Variants in LCORL observed in about 807,000 individuals in gnomAD.
LCORL encodes the protein ligand-dependent nuclear receptor corepressor-like protein.
A neutral mutation model predicts 141.8 loss-of-function variants in LCORL; 41 were observed. The observed-to-expected ratio is 0.29, with a 90% CI of 0.23 to 0.38. The LOEUF (loss-of-function observed/expected upper bound fraction) is 0.38. LCORL is among the 10% of genes least tolerant of loss of function. The pLI is 1.00. For synonymous variants in LCORL, 618 were observed against 694.1 expected (o/e 0.89, Z 1.72); for missense variants, 1,759 against 2,035.0 (o/e 0.86, Z 2.61).
intron 1 of LCORL, among the ~76,000 whole-genome samples, chr4:18,001,314 G>A (rs1016700287): frequency 2.6e-5 from 4 of 152,166 alleles, no homozygotes; most frequent in Non-Finnish European, 5.9e-5. Context: ...AATAAAAGCT[G>A]CTATTATTAC....
chr4:17,883,523 GA>G, intron 6 of LCORL: 4 of 1,323,820 alleles, frequency 3.0e-6, no homozygotes, highest in Non-Finnish European at 3.8e-6. Context: ...TGTCCACAGT[GA>G]AAACCCTGAA....
chr4:17,873,882 T>C, exon 7 of LCORL: 1 of 1,234,040 alleles, frequency 8.1e-7, no homozygotes, highest in Non-Finnish European at 1.0e-6. Context: ...TTGAAAGTCT[T>C]TTTGGCTGCA....
chr4:17,931,907 T>C (rs777450019), intron 4 of LCORL, among the ~76,000 whole-genome samples: 25 of 152,164 alleles, frequency 1.6e-4, no homozygotes, highest in Admixed American at 3.3e-4. Flanking sequence ...GTTAATTCTG[T>C]GTATTTGTCC....
intron 1 of LCORL, among the ~76,000 whole-genome samples, chr4:18,009,104 T>C (rs1057166698): frequency 1.3e-5 from 2 of 152,130 alleles, no homozygotes; most frequent in Non-Finnish European, 1.5e-5. Context: ...GTATAGGGCA[T>C]GTGTATGTAT....
intron 4 of LCORL, among the ~76,000 whole-genome samples, chr4:17,942,023 C>A (rs1738062887): frequency 6.6e-6 from 1 of 151,982 alleles, no homozygotes; most frequent in South Asian, 2.1e-4. Context: ...GTTAGGGGTG[C>A]CACAAATATC....
chr4:18,013,462 T>A (rs996151834), intron 1 of LCORL, among the ~76,000 whole-genome samples: 1 of 152,234 alleles, frequency 6.6e-6, no homozygotes, highest in African/African-American at 2.4e-5. Context: ...ATAAATATTA[T>A]AGCATCTTTC....
At chr4:17,956,202 A>C (rs557495746) in intron 4 of LCORL, among the ~76,000 whole-genome samples, 55 of 152,208 alleles carry the variant, frequency 3.6e-4, no homozygotes, top group Admixed American at 9.8e-4. Context: ...ACTCTTTTAC[A>C]GTTTCTGGGA....
In LCORL at chr4:17,892,372, C is replaced by A. The variant is rs541406662; in HGVS notation, c.683-6211G>T. 1.3e-4 allele frequency among the ~76,000 whole-genome samples: 20 copies of A among 151,960 alleles called. No homozygotes were observed. The East Asian group carries it at 3.1e-3, about 24-fold the overall frequency. ...TACAGGCACTGGCCACCAAGCCCAG[C>A]TAATTTTTGTATTTTTAGTAGAGAC... is the stretch of plus-strand genomic sequence containing the variant. On this transcript the variant is annotated intron_variant, in intron 5 of 7. Coordinates refer to ENST00000635767, the Ensembl canonical transcript of LCORL.
chr4:17,882,456 C>T, intron 6 of LCORL: 1 of 984,542 alleles, frequency 1.0e-6, no homozygotes, highest in Non-Finnish European at 1.2e-6. Flanking sequence ...TTTAAAACTG[C>T]TAGGTAAAAA....
intron 6 of LCORL, among the ~76,000 whole-genome samples, chr4:17,879,121 A>C (rs571200679): frequency 1.3e-5 from 2 of 151,268 alleles, no homozygotes; most frequent in Admixed American, 1.3e-4. Flanking sequence ...ATTTCTAGAA[A>C]TTTTAAGGTT....
intron 4 of LCORL, among the ~76,000 whole-genome samples, chr4:17,947,724 C>T (rs1160029584): frequency 1.3e-5 from 2 of 151,844 alleles, no homozygotes; most frequent in East Asian, 3.9e-4. Context: ...CCAGTAAATC[C>T]ATTAACTCCA....
At chr4:17,988,671 T>G (rs1719445888) in intron 1 of LCORL, among the ~76,000 whole-genome samples, 1 of 152,168 alleles carries the variant, frequency 6.6e-6, no homozygotes. Context: ...TTTATAATCA[T>G]CAAAGATGTT....
At chr4:17,877,538 G>T (rs16895939) in exon 7 of LCORL, 41,773 of 1,230,226 alleles carry the variant, frequency 0.034, 1,508 homozygotes, top group African/African-American at 0.18. Flanking sequence ...TATTGCTGCT[G>T]ATTTCTGCTG....
chr4:17,898,644 T>C (rs559865843), intron 5 of LCORL, among the ~76,000 whole-genome samples: 1 of 140,084 alleles, frequency 7.1e-6, no homozygotes, highest in Admixed American at 7.7e-5. Context: ...CAAGAGATCA[T>C]TCTCACCGTT....
exon 8 of LCORL, chr4:17,843,604 C>G (rs1323952967): frequency 1.8e-5 from 10 of 547,702 alleles, no homozygotes; most frequent in Non-Finnish European, 2.8e-5. Context: ...TTATTATAGT[C>G]CAGAAAAAGT....
chr4:17,863,770 TA>T (rs893216504), intron 7 of LCORL, among the ~76,000 whole-genome samples: 1 of 151,986 alleles, frequency 6.6e-6, no homozygotes, highest in Non-Finnish European at 1.5e-5. Context: ...GTAGAATAGG[TA>T]AAGAAAATAT....
exon 8 of LCORL, chr4:17,843,396 GC>G: frequency 6.2e-7 from 1 of 1,611,602 alleles, no homozygotes; most frequent in East Asian, 2.2e-5. Flanking sequence ...ACTTAACCTT[GC>G]CCAATTTCTC....
At chr4:17,943,306 A>C (rs935490187) in intron 4 of LCORL, among the ~76,000 whole-genome samples, 1 of 152,212 alleles carries the variant, frequency 6.6e-6, no homozygotes, top group African/African-American at 2.4e-5. Context: ...CAGTAAGGTA[A>C]CTCAGTGAGT....
chr4:17,897,246 T>TA (rs1364022564), intron 5 of LCORL, among the ~76,000 whole-genome samples: 17 of 132,068 alleles, frequency 1.3e-4, no homozygotes, highest in Non-Finnish European at 2.4e-4. Flanking sequence ...TTTTTTTTTT[T>TA]TTTTTAGGGT....
Sources: allele counts gnomAD v4.1 joint callset (sites outside exome capture counted in the v4.1 genomes callset), GRCh38; gene constraint gnomAD v4.1.1; transcripts MANE v1.5; gene names NCBI Gene and HGNC (gene_info 2026-07-23, HGNC 2026-07-21).